CAPN12: variants seen among roughly 807,000 people sequenced by gnomAD.
CAPN12 encodes the protein calpain-12.
CAPN12 carries 107 observed loss-of-function variants against 95.0 expected under a neutral mutation model. The observed-to-expected ratio is 1.13, with a 90% CI of 0.96 to 1.32. The LOEUF is 1.32. Among genes scored for constraint, CAPN12 ranks in the 40% most tolerant of loss-of-function variants. The probability of loss-of-function intolerance (pLI) is 0.00; values close to 1 mark genes in which losing one functional copy is unlikely to be tolerated. For missense variants in CAPN12, 1,136 were observed against 997.8 expected, an observed-to-expected ratio of 1.14 and a Z score of -1.87; for synonymous variants, 505 against 415.5, an observed-to-expected ratio of 1.22 and a Z score of -2.62.
chr19:38,738,227 G>T, intron 8 of CAPN12, 46 bp downstream of exon 8: 1 of 1,071,122 alleles, frequency 9.3e-7, no homozygotes, highest in Non-Finnish European at 1.3e-6. Flanking sequence ...TGAACCCCTT[G>T]GCAGAGACCC....
chr19:38,732,667 C>G (rs142368317), intron 18 of CAPN12, among the ~76,000 whole-genome samples: 36 of 152,300 alleles, frequency 2.4e-4, no homozygotes, highest in African/African-American at 7.9e-4. Context: ...TGACCACCTT[C>G]TCTGGGTCTC....
At chr19:38,734,493 C>T in intron 15 of CAPN12, 104 bp from the exon 16 acceptor site, 1 of 1,022,628 alleles carries the variant, frequency 9.8e-7, no homozygotes, top group South Asian at 1.7e-5. Flanking sequence ...TTGTCAGTCC[C>T]ATATTATAGA....
Position 38,738,433 on chromosome 19 carries a change from C to A in CAPN12, c.875G>T (p.Gly292Val). ...CCCATCCCACCTGTCGCTCCAGGCC[C>A]CCGTCCACTCCACGCAGCCCCATGG... ...RNPWGCVEWT[G>V]AWSDSCPRWD... The change falls in exon 7 of 21, where the codon GGG becomes GTG. Residue 292 changes from glycine to valine, a missense_variant. By Grantham distance (109) the Gly-to-Val change is moderately radical. Coordinates refer to ENST00000328867, the MANE Select transcript of CAPN12 (RefSeq NM_144691.4). 6.2e-7 allele frequency: 1 copy of A among 1,610,196 alleles called. No individual in the cohort carries two copies. Among genetic ancestry groups the A allele is most frequent in the Non-Finnish European group, 8.5e-7 (1 of 1,178,358 alleles).
At chr19:38,736,486 AGGTTG>A in intron 11 of CAPN12, 61 bp downstream of exon 11, 1 of 473,336 alleles carries the variant, frequency 2.1e-6, no homozygotes, top group African/African-American at 3.7e-5. Flanking sequence ...GCCCCAGGGC[AGGTTG>A]ACCAAGCCCC....
rs1969806104 is a variant in CAPN12, at chr19:38,733,752, G to A, written c.1908C>T (p.Thr636=). 1.2e-6 allele frequency: 2 copies of A among 1,613,654 alleles called. No homozygotes were observed. Among genetic ancestry groups the A allele is most frequent in the South Asian group, 1.1e-5 (1 of 91,082 alleles). ...QAIFNKFDED[T]SGTMNSYELR... is the part of the protein sequence containing the mutation. ...GCTCGTAGGAGTTCATGGTTCCAGA[G>A]GTGTCCTCATCGAACTTGTTAAATA... The change falls in exon 18 of 21, where the codon ACC becomes ACT. Residue 636 remains threonine (T), a synonymous_variant. Transcript: ENST00000328867.
At chr19:38,731,257 A>T in intron 18 of CAPN12, 34 bp from the exon 19 acceptor site, 1 of 1,567,334 alleles carries the variant, frequency 6.4e-7, no homozygotes, top group Non-Finnish European at 8.8e-7. Context: ...CCAGTGGCCC[A>T]CAGGGAACCC....
intron 5 of CAPN12, chr19:38,739,710 CTTTTT>C (rs58154433): frequency 2.0e-5 from 3 of 151,598 alleles, no homozygotes; most frequent in Admixed American, 1.4e-4. Context: ...GAAAGAGGCA[CTTTTT>C]TTTTTTTTTT....
At chr19:38,735,168 T>C (rs1969930448) in intron 14 of CAPN12, 2 of 611,008 alleles carry the variant, frequency 3.3e-6, no homozygotes, top group Admixed American at 3.0e-5. Flanking sequence ...GAGAGGGTGG[T>C]CCTGGGAGAG....
intron 12 of CAPN12, among the ~76,000 whole-genome samples, chr19:38,735,907 G>GGGGGC (rs1173563476): frequency 3.0e-4 from 1 of 3,288 alleles, no homozygotes; most frequent in Non-Finnish European, 7.7e-4. Context: ...CGGGGGTTCT[G>GGGGGC]GGGGCGGGGC....
intron 5 of CAPN12, chr19:38,739,079 TATG>T: frequency 4.1e-6 from 1 of 241,282 alleles, no homozygotes; most frequent in South Asian, 5.4e-5. Flanking sequence ...TATAGTGAGC[TATG>T]ATGACACTAC....
Position 38,731,231 on chromosome 19 carries a change from G to A in CAPN12, c.1958-8C>T, listed in dbSNP as rs1424105644. 2 of 1,610,888 alleles carry A rather than the reference G, an allele frequency of 1.2e-6. No homozygotes were observed. Among genetic ancestry groups the A allele is most frequent in the Non-Finnish European group, 1.7e-6 (2 of 1,178,908 alleles). On this transcript the variant is annotated splice_region_variant and splice_polypyrimidine_tract_variant and intron_variant, in intron 18 of 20. Coordinates refer to ENST00000328867, the MANE Select transcript of CAPN12 (RefSeq NM_144691.4). ...GGTTGTTCAGGTGGAAGCCTAGGGG[G>A]AGGCTGCTTCTGAGCCCAGTGGCCC...
At chr19:38,738,771 G>A in intron 5 of CAPN12, 123 bp from the exon 6 acceptor site, 1 of 774,708 alleles carries the variant, frequency 1.3e-6, no homozygotes, top group Non-Finnish European at 2.2e-6. Context: ...ATGGCACGCA[G>A]CTCAGAGACC....
Position 38,733,743 on chromosome 19 carries a change from G to A in CAPN12, c.1917C>T (p.Thr639=). ...CCAGCCTCAGCTCGTAGGAGTTCAT[G>A]GTTCCAGAGGTGTCCTCATCGAACT... ...FNKFDEDTSG[T]MNSYELRLAL... is the part of the protein sequence containing the mutation. Residue 639 remains threonine, a synonymous_variant, in exon 18 of 21, where the codon ACC becomes ACT. Transcript: ENST00000328867. 6.2e-7 allele frequency: 1 copy of A among 1,613,656 alleles called. No individual in the cohort carries two copies. The highest frequency in any genetic ancestry group is 8.5e-7 in the Non-Finnish European group (1 of 1,179,960).
rs769174107 is a variant in CAPN12, at chr19:38,733,793, G to C, written c.1879-12C>G. 1 of 1,608,812 alleles carries C rather than the reference G, an allele frequency of 6.2e-7. No individual in the cohort carries two copies. Among genetic ancestry groups the C allele is most frequent in the Non-Finnish European group, 8.5e-7 (1 of 1,175,908 alleles). Reference sequence around the variant, plus strand: ...TTGTTAAATATGGCCTGGGCAGGAAGGATGAGTCAGGGCTGCCCTCCATGC... The same window carrying C: ...TTGTTAAATATGGCCTGGGCAGGAACGATGAGTCAGGGCTGCCCTCCATGC... On this transcript the variant is annotated splice_polypyrimidine_tract_variant and intron_variant, in intron 17 of 20. Coordinates refer to ENST00000328867, the MANE Select transcript of CAPN12 (RefSeq NM_144691.4).
chr19:38,740,047 T>C lies in CAPN12; in HGVS notation c.729+4A>G. ...GGTTCCGCATGCGAGTCCAGGTCTC[T>C]TACCAGGGCAGTGGCGCCCACGAGG... is the stretch of plus-strand genomic sequence containing the variant. On this transcript the variant is annotated splice_donor_region_variant and intron_variant, in intron 5 of 20. Transcript: ENST00000328867. The C allele has an allele frequency of 6.4e-7, 1 of 1,567,140 alleles. No homozygotes were observed.
intron 10 of CAPN12, chr19:38,736,802 T>C (rs546054933): frequency 3.4e-6 from 2 of 594,246 alleles, no homozygotes; most frequent in Non-Finnish European, 5.9e-6. Flanking sequence ...CTGGCCCTTC[T>C]AACCCCCAGC....
chr19:38,734,133 C>T lies in CAPN12; in HGVS notation c.1878+9G>A. The T allele has an allele frequency of 6.2e-7, 1 of 1,612,344 alleles. No homozygotes were observed. Among genetic ancestry groups the T allele is most frequent in the Non-Finnish European group, 8.5e-7 (1 of 1,179,660 alleles). The stretch of plus-strand genomic sequence containing the variant: ...TCTTTCTGGGAAGAGGCCCAGTCTC[C>T]CACCTCACCTGCCACTCCAGGAGGT... On this transcript the variant is annotated intron_variant, in intron 17 of 20. Transcript: ENST00000328867.
rs1175923283 is a variant in CAPN12 at position 38,734,319 on chromosome 19, C to T, written c.1815G>A (p.Gly605=). The change falls in exon 16 of 21, where the codon GGG becomes GGA. Residue 605 remains glycine (G), a splice_region_variant and synonymous_variant. Coordinates refer to ENST00000328867, the MANE Select transcript of CAPN12 (RefSeq NM_144691.4). ...RTCEQLLQCF[G]HGQSLALHHF... Reference sequence around the variant, plus strand: ...CACCCAGGCACTGCCCCCCATGTACCCCGAAACACTGCAGCAGCTGCTCAC... The same window carrying T: ...CACCCAGGCACTGCCCCCCATGTACTCCGAAACACTGCAGCAGCTGCTCAC... 2 of 1,607,728 alleles carry T rather than the reference C, an allele frequency of 1.2e-6. No homozygotes were observed. Among genetic ancestry groups the T allele is most frequent in the Admixed American group, 1.7e-5 (1 of 59,704 alleles).
intron 5 of CAPN12, 58 bp downstream of exon 5, chr19:38,739,993 A>AC: frequency 9.5e-6 from 14 of 1,471,862 alleles, no homozygotes; most frequent in Non-Finnish European, 1.3e-5. Context: ...ACCCCACCAC[A>AC]CCCCTGACTG....
Sources: allele counts gnomAD v4.1 joint callset (sites outside exome capture counted in the v4.1 genomes callset), GRCh38; gene constraint gnomAD v4.1.1; transcripts MANE v1.5; gene names NCBI Gene and HGNC (gene_info 2026-07-23, HGNC 2026-07-21).